Variants in RSPRY1 observed in about 807,000 individuals in gnomAD.
RSPRY1 encodes RING finger and SPRY domain-containing protein 1.
In RSPRY1, 23 loss-of-function variants were observed where a neutral mutation model predicts 73.1. The ratio of observed to expected loss-of-function variants is 0.31; its 90% CI spans 0.23 to 0.45. The LOEUF is 0.45. RSPRY1 is among the 20% of genes least tolerant of loss of function. The probability of loss-of-function intolerance (pLI) is 1.00; values close to 1 mark genes in which losing one functional copy is unlikely to be tolerated. For missense variants in RSPRY1, 448 were observed against 698.7 expected, an observed-to-expected ratio of 0.64 and a Z score of 4.05; for synonymous variants, 226 against 251.4, an observed-to-expected ratio of 0.90 and a Z score of 0.95.
At position 57,213,086 on chromosome 16, in the gene RSPRY1, G is replaced by A. The variant is rs1028944041; in HGVS notation, c.631G>A (p.Glu211Lys). The A allele has an allele frequency of 3.1e-6, 5 of 1,612,058 alleles. No individual in the cohort carries two copies. The highest frequency in any genetic ancestry group is 1.1e-5 in the South Asian group (1 of 90,794). ...NTSAVLGCLA[E>K]KLAGPASIGL... The stretch of plus-strand genomic sequence containing the variant: ...ATCTGCAGTCCTAGGCTGCTTGGCC[G>A]AGAAACTAGCAGGTAACTTTGGGAC... Residue 211 changes from glutamate to lysine, a missense_variant, in exon 5 of 15, where the codon GAG becomes AAG. Physicochemically the swap from Glu to Lys is moderately conservative, Grantham distance 56. Transcript: ENST00000394420.
chr16:57,231,720 T>G (rs1384107639), intron 13 of RSPRY1, among the ~76,000 whole-genome samples: 1 of 152,204 alleles, frequency 6.6e-6, no homozygotes, highest in Non-Finnish European at 1.5e-5. Context: ...CACGTGAATG[T>G]CAGTGTCAAA....
intron 1 of RSPRY1, among the ~76,000 whole-genome samples, chr16:57,200,939 C>A (rs1394831903): frequency 2.8e-5 from 1 of 35,996 alleles, no homozygotes; most frequent in African/African-American, 1.1e-4. Flanking sequence ...CCAGACGGGG[C>A]GGCTGGCCGG....
At chr16:57,227,786 G>T (rs1193597732) in intron 11 of RSPRY1, among the ~76,000 whole-genome samples, 1 of 152,162 alleles carries the variant, frequency 6.6e-6, no homozygotes, top group Non-Finnish European at 1.5e-5. Flanking sequence ...GAATTGTAAT[G>T]CCACTAAAAT....
In RSPRY1 at chr16:57,204,584, T is replaced by C. The variant is rs1259528886; in HGVS notation, c.-75T>C. 1.4e-6 allele frequency: 2 copies of C among 1,381,274 alleles called. No homozygotes were observed. The highest frequency in any genetic ancestry group is 2.0e-6 in the Non-Finnish European group (2 of 997,024). The allele number at this position is 1,381,274 out of a possible 1,614,324, so 85.6% of individuals were successfully genotyped here. ...TGCAACTTTCTTTGGCATTCAGTTG[T>C]TAAAAACAAATAGGATGCAAATTCC... On this transcript the variant is annotated 5_prime_UTR_variant, in exon 2 of 15. Transcript: ENST00000394420.
At chr16:57,211,303 C>T (rs1002906921) in intron 4 of RSPRY1, among the ~76,000 whole-genome samples, 1 of 151,360 alleles carries the variant, frequency 6.6e-6, no homozygotes, top group Non-Finnish European at 1.5e-5. Flanking sequence ...GGCACGGTGG[C>T]TCATGCCTGT....
In RSPRY1 at chr16:57,212,509, G is replaced by A. The variant is rs145350138; in HGVS notation, c.517-463G>A. On this transcript the variant is annotated intron_variant, in intron 4 of 14. Coordinates refer to ENST00000394420, the MANE Select transcript of RSPRY1 (RefSeq NM_133368.3). ...AATGAAGTGGAATCTAGTAAGTCAT[G>A]TAAGGAGACTTTCAGGTTGATCAGA... 7.9e-5 allele frequency among the ~76,000 whole-genome samples: 12 copies of A among 152,254 alleles called. No homozygotes were observed. The East Asian group carries it at 2.3e-3, about 29-fold the overall frequency.
At chr16:57,218,278 A>G (rs1397269274) in intron 8 of RSPRY1, among the ~76,000 whole-genome samples, 5 of 152,218 alleles carry the variant, frequency 3.3e-5, no homozygotes, top group African/African-American at 1.2e-4. Context: ...TGTCCCCTCA[A>G]GCATTTATCA....
At chr16:57,225,169 T>C (rs2075101662) in intron 10 of RSPRY1, among the ~76,000 whole-genome samples, 1 of 152,250 alleles carries the variant, frequency 6.6e-6, no homozygotes, top group Non-Finnish European at 1.5e-5. Context: ...CAGGCGATTC[T>C]TGTGCCTCAG....
At chr16:57,228,087 A>T (rs2075146370) in intron 11 of RSPRY1, among the ~76,000 whole-genome samples, 1 of 152,144 alleles carries the variant, frequency 6.6e-6, no homozygotes, top group South Asian at 2.1e-4. Flanking sequence ...CAGCCTGGCC[A>T]ACATGGTGAA....
At chr16:57,225,945 G>A (rs1309743725) in intron 10 of RSPRY1, among the ~76,000 whole-genome samples, 3 of 152,172 alleles carry the variant, frequency 2.0e-5, no homozygotes, top group Non-Finnish European at 4.4e-5. Flanking sequence ...GGGCCTGGTG[G>A]CGCATGCCTA....
rs749449469 is a variant in RSPRY1 at position 57,213,102 on chromosome 16, A to G, written c.643+4A>G. Reference sequence around the variant, plus strand: ...TGCTTGGCCGAGAAACTAGCAGGTAACTTTGGGACACTCCACAGTGGAAGA... The same window carrying G: ...TGCTTGGCCGAGAAACTAGCAGGTAGCTTTGGGACACTCCACAGTGGAAGA... On this transcript the variant is annotated splice_donor_region_variant and intron_variant, in intron 5 of 14. Coordinates refer to ENST00000394420, the MANE Select transcript of RSPRY1 (RefSeq NM_133368.3). 2 of 1,610,786 alleles carry G rather than the reference A, an allele frequency of 1.2e-6. No individual in the cohort carries two copies. Among genetic ancestry groups the G allele is most frequent in the South Asian group, 1.1e-5 (1 of 90,680 alleles).
At chr16:57,207,745 G>A (rs2074754535) in intron 2 of RSPRY1, 2 of 484,326 alleles carry the variant, frequency 4.1e-6, no homozygotes, top group Middle Eastern at 3.1e-4. Context: ...GGGCCTCTGA[G>A]TGTAAAGCTG....
intron 8 of RSPRY1, among the ~76,000 whole-genome samples, chr16:57,218,881 G>A (rs1379804080): frequency 5.7e-5 from 8 of 139,352 alleles, no homozygotes; most frequent in East Asian, 4.5e-4. Context: ...GACTACAGGC[G>A]CCCGCCACTA....
intron 9 of RSPRY1, 108 bp from the exon 10 acceptor site, chr16:57,221,164 A>C: frequency 7.4e-7 from 1 of 1,358,670 alleles, no homozygotes; most frequent in Non-Finnish European, 1.0e-6. Flanking sequence ...GCAATAGTCC[A>C]CCAGAAGTTT....
At chr16:57,232,400 A>G (rs186505791) in intron 13 of RSPRY1, among the ~76,000 whole-genome samples, 18 of 152,298 alleles carry the variant, frequency 1.2e-4, no homozygotes, top group African/African-American at 4.1e-4. Context: ...TAAGGGTTGC[A>G]TATGTTCCCG....
At position 57,193,186 on chromosome 16, in the gene RSPRY1, A is replaced by G. The variant is rs996574796; in HGVS notation, c.-156+6735A>G. Among the ~76,000 whole-genome samples the G allele has an allele frequency of 5.3e-5, 8 of 152,226 alleles. No individual in the cohort carries two copies. In the East Asian group the frequency reaches 1.5e-3, roughly 29 times the overall value. ...GTGTGACCTAAACCTACGGTTAGAT[A>G]GCTTTGGACATCTGGGAGGCAAGTA... On this transcript the variant is annotated intron_variant, in intron 1 of 14. Transcript: ENST00000394420.
intron 2 of RSPRY1, among the ~76,000 whole-genome samples, chr16:57,206,130 C>T (rs2074720348): frequency 6.6e-6 from 1 of 152,166 alleles, no homozygotes; most frequent in Non-Finnish European, 1.5e-5. Context: ...TGGCCAGACA[C>T]AATGGCTCAT....
intron 11 of RSPRY1, among the ~76,000 whole-genome samples, chr16:57,229,966 A>G (rs2075185906): frequency 6.9e-6 from 1 of 145,298 alleles, no homozygotes; most frequent in African/African-American, 2.6e-5. Context: ...CGGCCTCCCA[A>G]AGTGCTGGGA....
intron 13 of RSPRY1, among the ~76,000 whole-genome samples, 191 bp downstream of exon 13, chr16:57,231,510 T>G (rs1176354496): frequency 6.6e-6 from 1 of 152,228 alleles, no homozygotes; most frequent in Non-Finnish European, 1.5e-5. Flanking sequence ...TGTATATATC[T>G]GTCCCTAGAA....
Sources: gnomAD v4.1 joint callset for allele counts (sites outside exome capture counted in the v4.1 genomes callset) on GRCh38, gnomAD v4.1.1 for gene constraint, MANE v1.5 for transcripts, NCBI Gene and HGNC (gene_info 2026-07-23, HGNC 2026-07-21) for gene names.